UBP1: variants seen among roughly 807,000 people sequenced by gnomAD.
UBP1 encodes upstream-binding protein 1.
Under a neutral mutation model 76.1 loss-of-function variants are expected in UBP1, and 22 were observed. That is an observed-to-expected ratio of 0.29 (90% CI 0.21 to 0.41). The LOEUF is 0.41. UBP1 is among the 10% of genes least tolerant of loss of function. The pLI is 1.00. For missense variants in UBP1, 436 were observed against 668.1 expected (o/e 0.65, Z 3.83); for synonymous variants, 224 against 237.1 (o/e 0.94, Z 0.51).
chr3:33,415,761 AAAAC>A (rs2044711946), intron 3 of UBP1, among the ~76,000 whole-genome samples: 1 of 152,008 alleles, frequency 6.6e-6, no homozygotes, highest in Non-Finnish European at 1.5e-5. Context: ...AACAAAAAAA[AAAAC>A]ACAGAACAAA....
intron 8 of UBP1, among the ~76,000 whole-genome samples, chr3:33,404,514 G>A (rs1477121199): frequency 6.6e-6 from 1 of 151,702 alleles, no homozygotes; most frequent in Non-Finnish European, 1.5e-5. Flanking sequence ...AGGTATGGTG[G>A]AGCACACCTG....
chr3:33,403,178 G>A (rs909303170), intron 8 of UBP1: 6 of 337,088 alleles, frequency 1.8e-5, no homozygotes, highest in African/African-American at 4.5e-5. Context: ...ATATGCTTAA[G>A]TATAATTGCT....
At chr3:33,410,738 A>G (rs1185930453) in intron 5 of UBP1, among the ~76,000 whole-genome samples, 2 of 152,170 alleles carry the variant, frequency 1.3e-5, no homozygotes, top group Admixed American at 6.5e-5. Flanking sequence ...TAGAGACATG[A>G]TATTTATGGA....
In UBP1 at chr3:33,390,292, A is replaced by G. The variant is rs531586490; in HGVS notation, c.*39T>C. ...CAGTCTTCACACACTTTTAAGCGTG[A>G]CTATTTGGTACTGAATACAGTTCAG... On this transcript the variant is annotated 3_prime_UTR_variant, in exon 16 of 16. Coordinates refer to ENST00000283629, the MANE Select transcript of UBP1 (RefSeq NM_014517.5). 1.2e-5 allele frequency: 19 copies of G among 1,593,000 alleles called. No individual in the cohort carries two copies. The South Asian group carries it at 1.6e-4, about 13-fold the overall frequency.
intron 3 of UBP1, 115 bp from the exon 4 acceptor site, chr3:33,412,942 G>T: frequency 1.6e-6 from 1 of 633,208 alleles, no homozygotes; most frequent in Non-Finnish European, 2.8e-6. Context: ...ACTAGATTCT[G>T]TTTTAAACAT....
intron 10 of UBP1, among the ~76,000 whole-genome samples, chr3:33,400,497 C>T (rs978759648): frequency 2.0e-5 from 3 of 152,110 alleles, no homozygotes; most frequent in African/African-American, 4.8e-5. Flanking sequence ...AAAATCATGC[C>T]GCTGCTAATG....
chr3:33,391,350 A>G (rs2043755867), intron 15 of UBP1: 1 of 152,186 alleles, frequency 6.6e-6, no homozygotes, highest in South Asian at 2.1e-4. Flanking sequence ...ATAATTTTAC[A>G]TTTAGGAATC....
At chr3:33,423,529 A>C (rs1212913798) in intron 2 of UBP1, among the ~76,000 whole-genome samples, 1 of 152,214 alleles carries the variant, frequency 6.6e-6, no homozygotes, top group Non-Finnish European at 1.5e-5. Flanking sequence ...ACCTGCCCTT[A>C]CATTGATTAT....
chr3:33,395,670 C>A (rs1260695656), intron 13 of UBP1, among the ~76,000 whole-genome samples: 1 of 142,734 alleles, frequency 7.0e-6, no homozygotes, highest in Non-Finnish European at 1.5e-5. Context: ...CAAGTCCACA[C>A]ACTTAGGACT....
At chr3:33,430,781 G>A (rs1348282867) in intron 1 of UBP1, among the ~76,000 whole-genome samples, 1 of 152,130 alleles carries the variant, frequency 6.6e-6, no homozygotes, top group East Asian at 1.9e-4. Flanking sequence ...GGGATCAGCA[G>A]CCATGCCTCC....
chr3:33,394,051 TTG>T (rs2043870550), intron 13 of UBP1, among the ~76,000 whole-genome samples: 2 of 152,026 alleles, frequency 1.3e-5, no homozygotes, highest in South Asian at 4.1e-4. Flanking sequence ...GTGTCCTTTT[TTG>T]TTGCCCAGGC....
intron 12 of UBP1, 198 bp from the exon 13 acceptor site, chr3:33,396,478 T>A (rs2044001067): frequency 2.0e-6 from 1 of 506,682 alleles, no homozygotes; most frequent in Non-Finnish European, 3.5e-6. Flanking sequence ...TCTAATATGA[T>A]GATCCAGACT....
intron 8 of UBP1, among the ~76,000 whole-genome samples, chr3:33,407,804 T>C (rs974509540): frequency 3.9e-5 from 6 of 152,248 alleles, no homozygotes; most frequent in Non-Finnish European, 8.8e-5. Context: ...CAACAGTGAA[T>C]ACAGCAGTCA....
chr3:33,395,750 GAAAAAAA>G (rs61654235), intron 13 of UBP1, among the ~76,000 whole-genome samples: 13,476 of 70,036 alleles, frequency 0.19, 867 homozygotes, highest in East Asian at 0.48. Flanking sequence ...CAGGAAAATT[GAAAAAAA>G]AAAAAAAAAA....
chr3:33,434,479 G>T (rs967097895), intron 1 of UBP1, among the ~76,000 whole-genome samples: 1 of 150,352 alleles, frequency 6.7e-6, no homozygotes, highest in Non-Finnish European at 1.5e-5. Flanking sequence ...GTAAGATGGG[G>T]TTTCACCATG....
intron 2 of UBP1, among the ~76,000 whole-genome samples, chr3:33,419,616 G>C (rs2044832011): frequency 7.1e-6 from 1 of 141,744 alleles, no homozygotes; most frequent in Non-Finnish European, 1.5e-5. Context: ...CAACAAGAGG[G>C]AGACTCCATC....
intron 8 of UBP1, among the ~76,000 whole-genome samples, chr3:33,407,849 C>G (rs950329819): frequency 1.7e-4 from 26 of 152,196 alleles, no homozygotes; most frequent in Admixed American, 1.6e-3. Context: ...TTAAATGATT[C>G]TTTAATGTTC....
rs756602268 is a variant in UBP1, at chr3:33,393,303, T to G, written c.1533+9A>C. 9 of 1,590,262 alleles carry G rather than the reference T, an allele frequency of 5.7e-6. No individual in the cohort carries two copies. The highest frequency in any genetic ancestry group is 7.7e-6 in the Non-Finnish European group (9 of 1,171,390). ...AGTCTGAAAAGGAAAAACAAATGAT[T>G]TGATTTACCTGATCACTAACAAGAA... is the stretch of plus-strand genomic sequence containing the variant. On this transcript the variant is annotated intron_variant, in intron 14 of 15. Transcript: ENST00000283629.
chr3:33,390,679 A>G, intron 15 of UBP1: 1 of 362,254 alleles, frequency 2.8e-6, no homozygotes, highest in East Asian at 4.7e-5. Context: ...CCATAAGGGG[A>G]GCAAGAGCTA....
Sources: allele counts gnomAD v4.1 joint callset (sites outside exome capture counted in the v4.1 genomes callset), GRCh38; gene constraint gnomAD v4.1.1; transcripts MANE v1.5; gene names NCBI Gene and HGNC (gene_info 2026-07-23, HGNC 2026-07-21).